The following RAPGEF2 variants were observed in gnomAD, a reference collection of about 807,000 sequenced individuals.
RAPGEF2 encodes PDZ domain containing guanine nucleotide exchange factor (GEF) 1.
RAPGEF2 carries 54 observed loss-of-function variants against 186.7 expected under a neutral mutation model. The observed-to-expected ratio is 0.29, with a 90% confidence interval of 0.23 to 0.36. The LOEUF is 0.36. Ranked by LOEUF, RAPGEF2 falls within the 10% of genes least tolerant of loss-of-function variation. RAPGEF2 has a pLI of 1.00. For missense variants in RAPGEF2, 1,532 were observed against 2,045.0 expected (o/e 0.75, Z 4.84); for synonymous variants, 712 against 705.9 (o/e 1.01, Z -0.14).
chr4:159,172,251 G>T (rs1405322932), intron 1 of RAPGEF2, among the ~76,000 whole-genome samples: 1 of 151,976 alleles, frequency 6.6e-6, no homozygotes, highest in Admixed American at 6.6e-5. Context: ...TCCTGTATGG[G>T]TCCTGTAGTT....
intron 4 of RAPGEF2, among the ~76,000 whole-genome samples, chr4:159,220,333 G>A (rs918302160): frequency 1.4e-5 from 2 of 145,292 alleles, no homozygotes; most frequent in Non-Finnish European, 3.0e-5. Flanking sequence ...CAGAGGGGAG[G>A]TACTTGCAGA....
chr4:159,166,439 T>C (rs913783441), intron 1 of RAPGEF2, among the ~76,000 whole-genome samples: 1 of 152,088 alleles, frequency 6.6e-6, no homozygotes, highest in African/African-American at 2.4e-5. Flanking sequence ...CTAGAGGAAA[T>C]GTACTGTTTT....
At chr4:159,282,014 A>G (rs749491292) in intron 7 of RAPGEF2, among the ~76,000 whole-genome samples, 1 of 152,172 alleles carries the variant, frequency 6.6e-6, no homozygotes, top group East Asian at 1.9e-4. Flanking sequence ...GATTGCTTCA[A>G]TGTTCAGAAC....
rs192036173 is a variant in RAPGEF2 at position 159,147,021 on chromosome 4, C to G, written c.70-39621C>G. Among the ~76,000 whole-genome samples the G allele has an allele frequency of 2.6e-5, 4 of 152,308 alleles. No homozygotes were observed. The East Asian group carries it at 7.7e-4, about 29-fold the overall frequency. On this transcript the variant is annotated intron_variant, in intron 1 of 29. Transcript: ENST00000691494. ...CTTTGTTGCCCTGGCTGGTTTTGAGCTCCTGGCATCAAGCGTTTCCTCCCC... is the reference window on the plus strand; with the variant it reads ...CTTTGTTGCCCTGGCTGGTTTTGAGGTCCTGGCATCAAGCGTTTCCTCCCC...
intron 1 of RAPGEF2, among the ~76,000 whole-genome samples, chr4:159,171,457 G>A (rs1262061920): frequency 6.6e-6 from 1 of 152,126 alleles, no homozygotes; most frequent in Non-Finnish European, 1.5e-5. Flanking sequence ...CTGGTAAATG[G>A]CAGTCAGATA....
intron 17 of RAPGEF2, among the ~76,000 whole-genome samples, chr4:159,335,366 G>A (rs149828290): frequency 4.6e-5 from 7 of 152,316 alleles, no homozygotes; most frequent in African/African-American, 1.7e-4. Flanking sequence ...CAAGGAAAGT[G>A]TTGGAGAGGT....
In RAPGEF2 at chr4:159,329,902, A is replaced by C; in HGVS notation, c.1194A>C (p.Gln398His). The C allele has an allele frequency of 6.2e-7, 1 of 1,613,502 alleles. No homozygotes were observed. Among genetic ancestry groups the C allele is most frequent in the Non-Finnish European group, 8.5e-7 (1 of 1,179,590 alleles). Residue 398 changes from glutamine to histidine, a missense_variant, in exon 12 of 30, where the codon CAA (glutamine) becomes CAC (histidine). Coordinates refer to ENST00000691494, the MANE Select transcript of RAPGEF2 (RefSeq NM_001394067.2). Reference sequence around the variant, plus strand: ...AAGATTACTGCCGTATTCTCAATCAAGTAGAAAAGAACATGCAAAAAGTTG... The same window carrying C: ...AAGATTACTGCCGTATTCTCAATCACGTAGAAAAGAACATGCAAAAAGTTG... ...AQQDYCRILNQVEKNMQKVEE... is the reference protein window; with the variant it reads ...AQQDYCRILNHVEKNMQKVEE...
intron 1 of RAPGEF2, among the ~76,000 whole-genome samples, chr4:159,104,532 G>GAGAGAGAC (rs1737621314): frequency 8.4e-6 from 1 of 119,118 alleles, no homozygotes; most frequent in South Asian, 2.6e-4. Flanking sequence ...GAGAGGGAGA[G>GAGAGAGAC]ACAGAGAGAG....
chr4:159,243,769 C>T lies in RAPGEF2; in HGVS notation c.526-5C>T. ...TTATGGCACTCATTTCATTTTGGCT[C>T]AAAGGAATGCACTAAATCTCAGGTA... is the stretch of plus-strand genomic sequence containing the variant. On this transcript the variant is annotated splice_region_variant and splice_polypyrimidine_tract_variant and intron_variant, in intron 6 of 29. Transcript: ENST00000691494. 2.3e-6 allele frequency: 3 copies of T among 1,281,254 alleles called. No homozygotes were observed. Among genetic ancestry groups the T allele is most frequent in the Non-Finnish European group, 3.1e-6 (3 of 981,222 alleles). 79.4% of individuals were successfully genotyped at this position (1,281,254 alleles called of 1,614,324 possible).
chr4:159,187,884 C>T (rs532542098), intron 2 of RAPGEF2, among the ~76,000 whole-genome samples: 4 of 152,244 alleles, frequency 2.6e-5, no homozygotes, highest in Admixed American at 1.3e-4. Context: ...ACTCTTTCAA[C>T]ACTAATTAAT....
chr4:159,203,871 T>C (rs913407747), intron 3 of RAPGEF2, among the ~76,000 whole-genome samples: 3 of 152,256 alleles, frequency 2.0e-5, no homozygotes, highest in Non-Finnish European at 4.4e-5. Flanking sequence ...AAGGCATCAA[T>C]GTCTTCCATT....
At chr4:159,217,461 A>G (rs764769488) in intron 4 of RAPGEF2, among the ~76,000 whole-genome samples, 11 of 152,184 alleles carry the variant, frequency 7.2e-5, no homozygotes, top group African/African-American at 1.4e-4. Context: ...CTCCAGCTCC[A>G]TCCATGTTGC....
At chr4:159,237,846 A>T (rs1455484170) in intron 4 of RAPGEF2, among the ~76,000 whole-genome samples, 69 of 37,360 alleles carry the variant, frequency 1.8e-3, no homozygotes, top group Non-Finnish European at 4.5e-3. Flanking sequence ...AAAAATTAAA[A>T]AAAAAAAAAA....
At chr4:159,177,897 G>T (rs1463016868) in intron 1 of RAPGEF2, among the ~76,000 whole-genome samples, 2 of 152,164 alleles carry the variant, frequency 1.3e-5, no homozygotes, top group African/African-American at 4.8e-5. Context: ...TCCTCTCTCT[G>T]ATGGATCAAC....
chr4:159,189,686 GT>G (rs1747917445), intron 2 of RAPGEF2, among the ~76,000 whole-genome samples: 1 of 152,154 alleles, frequency 6.6e-6, no homozygotes, highest in Non-Finnish European at 1.5e-5. Flanking sequence ...CTCAGGGAAG[GT>G]CAATATGCTT....
chr4:159,292,650 G>C (rs1191331670), intron 7 of RAPGEF2, among the ~76,000 whole-genome samples: 1 of 152,024 alleles, frequency 6.6e-6, no homozygotes, highest in Non-Finnish European at 1.5e-5. Flanking sequence ...AATTTCAAGA[G>C]AAGTATTTAT....
In RAPGEF2 at chr4:159,352,930, ATTC is replaced by A. The variant is rs1561340051; in HGVS notation, c.4091+25_4091+27del. The A allele has an allele frequency of 6.4e-7, 1 of 1,562,320 alleles. No individual in the cohort carries two copies. The highest frequency in any genetic ancestry group is 8.8e-7 in the Non-Finnish European group (1 of 1,139,752). ...CTTGGGGTAGGTGGCTCTTTTTAATATTCTTCTGAATTTATCCTTCCATCTCTG... is the reference window on the plus strand; with the variant it reads ...CTTGGGGTAGGTGGCTCTTTTTAATATTCTGAATTTATCCTTCCATCTCTG... On this transcript the variant is annotated intron_variant, in intron 27 of 29. Transcript: ENST00000691494.
intron 3 of RAPGEF2, among the ~76,000 whole-genome samples, chr4:159,207,645 T>C (rs1176405010): frequency 6.6e-6 from 1 of 152,214 alleles, no homozygotes; most frequent in Non-Finnish European, 1.5e-5. Flanking sequence ...CCAGGCCACA[T>C]AGTTAGGAAG....
intron 16 of RAPGEF2, 96 bp downstream of exon 16, chr4:159,332,130 T>G: frequency 1.2e-6 from 1 of 801,776 alleles, no homozygotes; most frequent in Non-Finnish European, 2.0e-6. Flanking sequence ...AAGCATAGAT[T>G]AGATCTAAAT....
Sources: gnomAD v4.1 joint callset for allele counts (sites outside exome capture counted in the v4.1 genomes callset) on GRCh38, gnomAD v4.1.1 for gene constraint, MANE v1.5 for transcripts, NCBI Gene and HGNC (gene_info 2026-07-23, HGNC 2026-07-21) for gene names.